The following KIF1B variants were observed in gnomAD, a reference collection of about 807,000 sequenced individuals.
KIF1B encodes the protein kinesin-like protein KIF1B.
KIF1B carries 76 observed loss-of-function variants against 241.9 expected under a neutral mutation model. The observed-to-expected ratio is 0.31, with a 90% CI of 0.26 to 0.38. The LOEUF is 0.38. KIF1B is among the 10% of genes least tolerant of loss of function. The pLI is 1.00. For missense variants in KIF1B, 1,622 were observed against 2,271.4 expected (o/e 0.71, Z 5.81); for synonymous variants, 750 against 796.7 (o/e 0.94, Z 0.99).
chr1:10,212,906 A>ATG (rs1557638362), intron 1 of KIF1B, among the ~76,000 whole-genome samples: 4 of 116,310 alleles, frequency 3.4e-5, no homozygotes, highest in Admixed American at 8.2e-5. Flanking sequence ...ATATATATAT[A>ATG]TATATATATA....
In KIF1B at chr1:10,381,344, G is replaced by C; in HGVS notation, c.*4757G>C. On this transcript the variant is annotated 3_prime_UTR_variant, in exon 49 of 49. Transcript: ENST00000676179. ...GCAAACTGATCTCTCCCCCGTGAAG[G>C]AGTTGAGCACATTAGCAACAATGTA... is the stretch of plus-strand genomic sequence containing the variant. 4.4e-6 allele frequency: 1 copy of C among 225,876 alleles called. No homozygotes were observed. Among genetic ancestry groups the C allele is most frequent in the Non-Finnish European group, 8.8e-6 (1 of 113,204 alleles). The allele number at this position is 225,876 out of a possible 1,614,324, so 14.0% of individuals were successfully genotyped here.
At position 10,365,286 on chromosome 1, in the gene KIF1B, A is replaced by G. The variant is rs1638536940; in HGVS notation, c.4512+41A>G. 1 of 1,613,372 alleles carries G rather than the reference A, an allele frequency of 6.2e-7. No homozygotes were observed. The highest frequency in any genetic ancestry group is 1.7e-5 in the Admixed American group (1 of 59,846). On this transcript the variant is annotated intron_variant, in intron 42 of 48. Transcript: ENST00000676179. The surrounding 1 kb of genome is among the most constrained non-coding windows in gnomAD (Gnocchi z 4.0). ...GTTGTTCAGATGCAAGAACTCTCGG[A>G]CAAGATTGCCAAAGTATCAGTCTTC...
intron 4 of KIF1B, among the ~76,000 whole-genome samples, chr1:10,260,264 C>T (rs796520467): frequency 3.9e-5 from 6 of 152,176 alleles, no homozygotes; most frequent in African/African-American, 1.4e-4. Flanking sequence ...TAGAAAAGTA[C>T]ATTAAAAATA....
chr1:10,364,005 C>A (rs1638495955), intron 41 of KIF1B, among the ~76,000 whole-genome samples: 1 of 151,874 alleles, frequency 6.6e-6, no homozygotes, highest in South Asian at 2.1e-4. Flanking sequence ...CAGATAGTTT[C>A]TTGAGGAATT....
At position 10,268,198 on chromosome 1, in the gene KIF1B, G is replaced by A. The variant is rs1197079538; in HGVS notation, c.655G>A (p.Ala219Thr). ...NMNETSSRSHAVFTIVFTQKK... is the reference protein window; with the variant it reads ...NMNETSSRSHTVFTIVFTQKK... ...GAATGAAACAAGTAGCCGTTCCCAC[G>A]CTGTGTTTACGATTGTTTTCACCCA... The change falls in exon 7 of 49, where the codon GCT becomes ACT. Residue 219 changes from alanine to threonine, a missense_variant. Around this residue, in one of 7 missense-constraint regions of KIF1B, gnomAD observed 201 missense variants for 301.2 expected, o/e 0.67. Coordinates refer to ENST00000676179, the MANE Select transcript of KIF1B (RefSeq NM_001365951.3). 1.9e-6 allele frequency: 3 copies of A among 1,613,870 alleles called. No homozygotes were observed. Among genetic ancestry groups the A allele is most frequent in the African/African-American group, 2.7e-5 (2 of 74,878 alleles).
intron 1 of KIF1B, among the ~76,000 whole-genome samples, chr1:10,212,921 T>C (rs868064385): frequency 0.03 from 3,588 of 118,372 alleles, 86 homozygotes; most frequent in South Asian, 0.052. Flanking sequence ...TATATATATA[T>C]ATATATATAT....
chr1:10,356,698 G>A (rs1186244473), intron 38 of KIF1B, among the ~76,000 whole-genome samples: 11 of 151,816 alleles, frequency 7.2e-5, no homozygotes, highest in African/African-American at 2.7e-4. Context: ...TCAAGAGATC[G>A]AGACCATCCT....
intron 17 of KIF1B, among the ~76,000 whole-genome samples, chr1:10,294,125 C>T (rs1216291577): frequency 6.6e-6 from 1 of 152,166 alleles, no homozygotes; most frequent in Non-Finnish European, 1.5e-5. Context: ...CATTCTTCCA[C>T]ATTTGCTGGC....
intron 27 of KIF1B, 120 bp from the exon 28 acceptor site, chr1:10,334,400 G>T: frequency 1.2e-6 from 1 of 812,260 alleles, no homozygotes; most frequent in Non-Finnish European, 2.2e-6. Context: ...ACTGAGAAGG[G>T]GTCTTAAGAC....
intron 38 of KIF1B, among the ~76,000 whole-genome samples, chr1:10,356,711 C>A (rs570757378): frequency 6.6e-5 from 10 of 152,088 alleles, no homozygotes; most frequent in African/African-American, 2.4e-4. Context: ...ACCATCCTGG[C>A]CAATATGGTG....
chr1:10,332,957 G>A (rs1412636278), intron 27 of KIF1B, among the ~76,000 whole-genome samples: 8 of 151,442 alleles, frequency 5.3e-5, no homozygotes, highest in Non-Finnish European at 8.8e-5. Context: ...GACAACAGGT[G>A]CATGCCACCA....
chr1:10,267,193 A>G (rs982689865), intron 5 of KIF1B, among the ~76,000 whole-genome samples, 187 bp from the exon 6 acceptor site: 1 of 151,768 alleles, frequency 6.6e-6, no homozygotes, highest in Non-Finnish European at 1.5e-5. Flanking sequence ...TCCTTTTTGT[A>G]TTTTTGGTAG....
At chr1:10,318,755 T>G (rs777537220) in intron 22 of KIF1B, among the ~76,000 whole-genome samples, 1 of 152,136 alleles carries the variant, frequency 6.6e-6, no homozygotes, top group Non-Finnish European at 1.5e-5. Flanking sequence ...CAGTAAATCT[T>G]AAAATGCTAT....
intron 45 of KIF1B, among the ~76,000 whole-genome samples, chr1:10,373,309 G>A (rs1178882911): frequency 6.9e-6 from 1 of 144,022 alleles, no homozygotes; most frequent in Non-Finnish European, 1.5e-5. Context: ...AGGCTGGAGT[G>A]CTGCAACCTC....
intron 15 of KIF1B, among the ~76,000 whole-genome samples, chr1:10,287,136 T>G (rs1167167446): frequency 6.6e-6 from 1 of 152,250 alleles, no homozygotes; most frequent in Non-Finnish European, 1.5e-5. Context: ...AACATTTACT[T>G]GAAAGCCTAT....
chr1:10,375,170 T>C (rs1638847619), intron 47 of KIF1B, 85 bp from the exon 48 acceptor site: 1 of 1,460,428 alleles, frequency 6.8e-7, no homozygotes, highest in Non-Finnish European at 9.6e-7. Flanking sequence ...CTTTGTGAAG[T>C]GCTATATGCC....
rs1406745568 is a variant in KIF1B, at chr1:10,261,967, A to G, written c.426A>G (p.Val142=). 5 of 1,607,660 alleles carry G rather than the reference A, an allele frequency of 3.1e-6. No homozygotes were observed. The South Asian group carries it at 4.4e-5, about 14-fold the overall frequency. The change falls in exon 5 of 49, where the codon GTA becomes GTG. Residue 142 remains valine (V), a synonymous_variant. Transcript: ENST00000676179. ...DNCNEEMSYS[V]EVSYMEIYCE... is the part of the protein sequence containing the mutation. ...GTAATGAAGAAATGTCTTACTCTGT[A>G]GAGGTGAGTACAGCCGTGAGTTGAC...
At chr1:10,251,379 G>C (rs775952743) in intron 2 of KIF1B, among the ~76,000 whole-genome samples, 1 of 150,512 alleles carries the variant, frequency 6.6e-6, no homozygotes, top group African/African-American at 2.4e-5. Flanking sequence ...GATAAAATCT[G>C]AGTAGTCTTT....
Position 10,257,961 on chromosome 1 carries a change from G to A in KIF1B, c.184-532G>A, listed in dbSNP as rs1023110971. On this transcript the variant is annotated intron_variant, in intron 3 of 48. Coordinates refer to ENST00000676179, the MANE Select transcript of KIF1B (RefSeq NM_001365951.3). ...CAGAGTGATGGGATTATAGGCATGA[G>A]CCACTGTGCCCTGCCCTGGGGAATC... 2.6e-4 allele frequency among the ~76,000 whole-genome samples: 40 copies of A among 152,202 alleles called. 1 individual carries two copies. Among genetic ancestry groups the A allele is most frequent in the Non-Finnish European group, 1.6e-4 (11 of 68,034 alleles).
Sources: gnomAD v4.1 joint callset for allele counts (sites outside exome capture counted in the v4.1 genomes callset) on GRCh38, gnomAD v4.1.1 for gene constraint, gnomAD v4.1.1 regional missense constraint, Gnocchi (gnomAD v3.1) non-coding constraint, MANE v1.5 for transcripts, NCBI Gene and HGNC (gene_info 2026-07-23, HGNC 2026-07-21) for gene names.